Variants in TECRL observed in about 807,000 individuals in gnomAD.
TECRL encodes trans-2,3-enoyl-CoA reductase like.
A neutral mutation model predicts 52.8 loss-of-function variants in TECRL; 63 were observed. That is an observed-to-expected ratio of 1.19 (90% confidence interval 0.97 to 1.47). The LOEUF (loss-of-function observed/expected upper bound fraction) is 1.47. TECRL is among the 40% of genes most tolerant of loss of function. The probability of loss-of-function intolerance (pLI) is 0.00; values close to 1 mark genes in which losing one functional copy is unlikely to be tolerated. For missense variants in TECRL, 482 were observed against 429.6 expected (o/e 1.12, Z -1.08); for synonymous variants, 164 against 141.9 (o/e 1.16, Z -1.10).
Position 64,279,069 on chromosome 4 carries a change from G to A in TECRL, c.*1003C>T, listed in dbSNP as rs1722687808. On this transcript the variant is annotated 3_prime_UTR_variant, in exon 12 of 12. Transcript: ENST00000381210. ...TGTGAATAGTGCTGCAGTAAACATAGGGTTCAAATGTCTCTTTAATATACA... is the reference window on the plus strand; with the variant it reads ...TGTGAATAGTGCTGCAGTAAACATAAGGTTCAAATGTCTCTTTAATATACA... 1 of 152,312 alleles carries A rather than the reference G, an allele frequency of 6.6e-6. No homozygotes were observed. The highest frequency in any genetic ancestry group is 2.4e-5 in the African/African-American group (1 of 41,534). 9.4% of individuals were successfully genotyped at this position (152,312 alleles called of 1,614,324 possible).
At chr4:64,402,718 A>T (rs1724438407) in intron 1 of TECRL, among the ~76,000 whole-genome samples, 2 of 152,126 alleles carry the variant, frequency 1.3e-5, no homozygotes, top group African/African-American at 4.8e-5. Flanking sequence ...AGTAATAGAG[A>T]AGAGCTAGAA....
chr4:64,306,772 C>G (rs1182289767), intron 6 of TECRL, among the ~76,000 whole-genome samples: 1 of 152,180 alleles, frequency 6.6e-6, no homozygotes, highest in African/African-American at 2.4e-5. Context: ...GAGAAGTCAG[C>G]ACTGCTCAGC....
At chr4:64,374,050 T>TAC (rs1162644101) in intron 2 of TECRL, among the ~76,000 whole-genome samples, 1 of 42,288 alleles carries the variant, frequency 2.4e-5, no homozygotes, top group African/African-American at 5.3e-5. Flanking sequence ...ATATAGTAGA[T>TAC]ACATATATAT....
At chr4:64,327,505 G>A (rs1247909063) in intron 3 of TECRL, among the ~76,000 whole-genome samples, 1 of 152,056 alleles carries the variant, frequency 6.6e-6, no homozygotes, top group Non-Finnish European at 1.5e-5. Context: ...GCTGACATGT[G>A]CTAGGCCCTA....
At chr4:64,296,415 T>C (rs560894953) in intron 8 of TECRL, among the ~76,000 whole-genome samples, 9 of 151,870 alleles carry the variant, frequency 5.9e-5, no homozygotes, top group Non-Finnish European at 1.2e-4. Flanking sequence ...TTAGGAATAA[T>C]TTTAAAACAC....
chr4:64,279,962 A>G lies in TECRL; in HGVS notation c.*110T>C. ...ACTATTTTATATTTTTACTCAGTGT[A>G]TATACTGTTGCTCATGAATTGTTGG... On this transcript the variant is annotated 3_prime_UTR_variant, in exon 12 of 12. Transcript: ENST00000381210. 7.0e-7 allele frequency: 1 copy of G among 1,430,736 alleles called. No homozygotes were observed. 88.6% of individuals were successfully genotyped at this position (1,430,736 alleles called of 1,614,324 possible). A position where few individuals can be genotyped will look rare whatever the true frequency, so the allele number is the denominator to read the frequency against.
At position 64,278,237 on chromosome 4, in the gene TECRL, A is replaced by G. The variant is rs1267974224; in HGVS notation, c.*1835T>C. On this transcript the variant is annotated 3_prime_UTR_variant, in exon 12 of 12. Transcript: ENST00000381210. ...TAATTGTAAATTTCAGTATGATAAC[A>G]TACAATGTCTGTATTATTAACAAAT... 2.6e-5 allele frequency: 4 copies of G among 151,864 alleles called. No individual in the cohort carries two copies. Among genetic ancestry groups the G allele is most frequent in the Non-Finnish European group, 5.9e-5 (4 of 67,858 alleles). 9.4% of individuals were successfully genotyped at this position (151,864 alleles called of 1,614,324 possible).
chr4:64,302,165 T>G (rs1724060897), intron 7 of TECRL, among the ~76,000 whole-genome samples: 1 of 151,420 alleles, frequency 6.6e-6, no homozygotes, highest in African/African-American at 2.4e-5. Context: ...TAACTATTAT[T>G]CAAGAAGTAT....
chr4:64,283,822 G>A (rs1014776162), intron 9 of TECRL, among the ~76,000 whole-genome samples: 2 of 152,068 alleles, frequency 1.3e-5, no homozygotes, highest in African/African-American at 2.4e-5. Context: ...AGCCTGCAGA[G>A]GTGGCCCACT....
intron 1 of TECRL, among the ~76,000 whole-genome samples, chr4:64,386,363 C>T (rs1723177648): frequency 6.6e-6 from 1 of 152,002 alleles, no homozygotes; most frequent in South Asian, 2.1e-4. Flanking sequence ...TCTTTATCCT[C>T]ATCATCTTCA....
intron 1 of TECRL, among the ~76,000 whole-genome samples, chr4:64,387,646 T>A (rs1723269729): frequency 6.6e-6 from 1 of 152,070 alleles, no homozygotes; most frequent in Admixed American, 6.6e-5. Context: ...TGATGACATA[T>A]AATGTAGAGT....
At chr4:64,311,952 G>C (rs532970403) in intron 5 of TECRL, among the ~76,000 whole-genome samples, 1 of 152,232 alleles carries the variant, frequency 6.6e-6, no homozygotes, top group South Asian at 2.1e-4. Flanking sequence ...GAGGCATGGC[G>C]CTACACCAGG....
chr4:64,365,206 G>GT (rs1448404423), intron 2 of TECRL, among the ~76,000 whole-genome samples: 1 of 24,654 alleles, frequency 4.1e-5, no homozygotes, highest in East Asian at 3.8e-3. Context: ...ATTGCTTCAT[G>GT]TTAAAAAAAA....
At chr4:64,323,229 A>G (rs1281516458) in intron 3 of TECRL, among the ~76,000 whole-genome samples, 1 of 151,820 alleles carries the variant, frequency 6.6e-6, no homozygotes, top group Non-Finnish European at 1.5e-5. Context: ...CCCTGTCTCT[A>G]CAAAAAAACA....
intron 6 of TECRL, among the ~76,000 whole-genome samples, chr4:64,307,217 C>T (rs187733273): frequency 7.9e-5 from 12 of 152,128 alleles, no homozygotes; most frequent in Admixed American, 2.0e-4. Context: ...GGACACCCCC[C>T]CTTCATTAAT....
At chr4:64,305,626 A>G (rs1488955708) in intron 6 of TECRL, among the ~76,000 whole-genome samples, 1 of 152,182 alleles carries the variant, frequency 6.6e-6, no homozygotes, top group Non-Finnish European at 1.5e-5. Flanking sequence ...CTGCAGAGGC[A>G]CAGACAAGGA....
At position 64,283,212 on chromosome 4, in the gene TECRL, C is replaced by T. The variant is rs566027667; in HGVS notation, c.833-1653G>A. 2.0e-5 allele frequency among the ~76,000 whole-genome samples: 3 copies of T among 152,180 alleles called. No individual in the cohort carries two copies. In the South Asian group the frequency reaches 6.2e-4, roughly 32 times the overall value. On this transcript the variant is annotated intron_variant, in intron 9 of 11. Transcript: ENST00000381210. Reference sequence around the variant, plus strand: ...GGAGACTTGTTGAGACTATATCGCTCTCAATTTCCTACCTAAATATGATTT... The same window carrying T: ...GGAGACTTGTTGAGACTATATCGCTTTCAATTTCCTACCTAAATATGATTT...
chr4:64,408,534 A>C (rs2109803355), intron 1 of TECRL, among the ~76,000 whole-genome samples: 1 of 152,150 alleles, frequency 6.6e-6, no homozygotes, highest in East Asian at 1.9e-4. Flanking sequence ...GACGAGTAAC[A>C]TTTCAAAACA....
intron 8 of TECRL, chr4:64,298,937 C>T (rs1723847013): frequency 6.6e-6 from 1 of 151,204 alleles, no homozygotes; most frequent in African/African-American, 2.4e-5. Flanking sequence ...TGTTACAACA[C>T]GTGAATCACA....
Sources: allele counts gnomAD v4.1 joint callset (sites outside exome capture counted in the v4.1 genomes callset), GRCh38; gene constraint gnomAD v4.1.1; transcripts MANE v1.5; gene names NCBI Gene and HGNC (gene_info 2026-07-23, HGNC 2026-07-21).